NTN1: variants seen among roughly 807,000 people sequenced by gnomAD.
NTN1 encodes the protein netrin 1.
In NTN1, 11 loss-of-function variants were observed where a neutral mutation model predicts 54.2. The ratio of observed to expected loss-of-function variants is 0.20; its 90% CI spans 0.13 to 0.34. The LOEUF (loss-of-function observed/expected upper bound fraction) is 0.34, where lower values mean the gene tolerates loss of function less well. Ranked by LOEUF, NTN1 falls within the 10% of genes least tolerant of loss-of-function variation. The pLI is 1.00. For synonymous variants in NTN1, 371 were observed against 382.0 expected, an observed-to-expected ratio of 0.97 and a Z score of 0.33; for missense variants, 740 against 893.1, an observed-to-expected ratio of 0.83 and a Z score of 2.18.
At chr17:9,197,121 C>G (rs574746417) in intron 5 of NTN1, among the ~76,000 whole-genome samples, 1 of 152,074 alleles carries the variant, frequency 6.6e-6, no homozygotes, top group South Asian at 2.1e-4. Context: ...GAGTGAAATT[C>G]AGGCTCTCAA....
chr17:9,082,582 T>G (rs1597481101), intron 2 of NTN1, among the ~76,000 whole-genome samples: 1 of 151,948 alleles, frequency 6.6e-6, no homozygotes, highest in Admixed American at 6.6e-5. Flanking sequence ...TGAGGCAGAG[T>G]GTGGGGCCGT....
At chr17:9,116,416 C>T (rs950740533) in intron 2 of NTN1, among the ~76,000 whole-genome samples, 10 of 150,634 alleles carry the variant, frequency 6.6e-5, no homozygotes, top group African/African-American at 2.4e-4. Context: ...TTTCTAGAGT[C>T]TCTACTCGCT....
chr17:9,208,068 C>A (rs1254444748), intron 5 of NTN1, among the ~76,000 whole-genome samples: 2 of 152,082 alleles, frequency 1.3e-5, no homozygotes, highest in African/African-American at 4.8e-5. Context: ...CCCATCTCTA[C>A]CAAAAATACA....
intron 2 of NTN1, among the ~76,000 whole-genome samples, chr17:9,078,058 A>G (rs537890868): frequency 1.2e-4 from 15 of 122,164 alleles, no homozygotes; most frequent in African/African-American, 8.9e-5. Context: ...CCATCCATCT[A>G]TCCATCCATC....
intron 2 of NTN1, among the ~76,000 whole-genome samples, chr17:9,105,660 T>TTC (rs72039051): frequency 0.16 from 22,705 of 142,016 alleles, 1,797 homozygotes; most frequent in Middle Eastern, 0.23. Context: ...CTCTCTCTCT[T>TTC]TCTCTCTCTC....
At chr17:9,227,972 G>A (rs1050354939) in intron 6 of NTN1, among the ~76,000 whole-genome samples, 10 of 152,018 alleles carry the variant, frequency 6.6e-5, no homozygotes, top group African/African-American at 2.4e-4. Context: ...TGCACATCCC[G>A]AGAAGTCCTG....
intron 2 of NTN1, among the ~76,000 whole-genome samples, chr17:9,074,005 C>A (rs2092041111): frequency 6.6e-6 from 1 of 152,142 alleles, no homozygotes; most frequent in Admixed American, 6.5e-5. Flanking sequence ...TGCTGGTGTC[C>A]CGGTACCTTG....
chr17:9,043,826 C>T (rs529696435), intron 2 of NTN1, among the ~76,000 whole-genome samples: 9 of 152,052 alleles, frequency 5.9e-5, no homozygotes, highest in South Asian at 2.1e-4. Flanking sequence ...GTGATCCACC[C>T]GCCTCGGCTT....
At chr17:9,147,867 A>G (rs80078385) in intron 2 of NTN1, among the ~76,000 whole-genome samples, 2,313 of 152,308 alleles carry the variant, frequency 0.015, 63 homozygotes, top group African/African-American at 0.052. Context: ...GTTTGATTAA[A>G]ATAACTGGAT....
chr17:9,197,742 T>C lies in NTN1; in HGVS notation c.1411+14773T>C, dbSNP rs1477869871. Among the ~76,000 whole-genome samples, 3 of 145,874 alleles carry C rather than the reference T, an allele frequency of 2.1e-5. No individual in the cohort carries two copies. The East Asian group carries it at 6.3e-4, about 30-fold the overall frequency. Reference sequence around the variant, plus strand: ...TTTAGAGAAGACTGCTTCAAGATTTTCTTCAGGCTGAAGCTGGGCTAGGCA... The same window carrying C: ...TTTAGAGAAGACTGCTTCAAGATTTCCTTCAGGCTGAAGCTGGGCTAGGCA... On this transcript the variant is annotated intron_variant, in intron 5 of 6. Transcript: ENST00000173229.
chr17:9,141,656 C>G (rs73976415), intron 2 of NTN1, among the ~76,000 whole-genome samples: 2,252 of 152,000 alleles, frequency 0.015, 50 homozygotes, highest in East Asian at 0.12. Context: ...AGCATGTTAA[C>G]TAGGATAGGA....
Position 9,051,963 on chromosome 17 carries a change from G to GT in NTN1, c.1018+28584dup, listed in dbSNP as rs781173173. On this transcript the variant is annotated intron_variant, in intron 2 of 6. Transcript: ENST00000173229. ...CCCATGTGACCAAAGACACGTTTGG[G>GT]TTTTTTTTTTTTGTATTTTGTGTTT... Among the ~76,000 whole-genome samples, 931 of 144,584 alleles carry GT rather than the reference G, an allele frequency of 6.4e-3. 6 individuals are homozygous for GT. Among genetic ancestry groups the GT allele is most frequent in the African/African-American group, 0.013 (535 of 39,784 alleles). 94.9% of individuals were successfully genotyped at this position (144,584 alleles called of 152,430 possible).
At chr17:9,071,361 G>A (rs2092031420) in intron 2 of NTN1, among the ~76,000 whole-genome samples, 4 of 152,036 alleles carry the variant, frequency 2.6e-5, no homozygotes, top group Admixed American at 2.6e-4. Context: ...CTCTAAGCCT[G>A]TTTTGATCAC....
intron 2 of NTN1, among the ~76,000 whole-genome samples, chr17:9,096,358 T>C (rs1428403392): frequency 1.5e-5 from 2 of 132,788 alleles, no homozygotes; most frequent in Admixed American, 1.7e-4. Flanking sequence ...CTGGGTTTTA[T>C]GGGTAGACTT....
At chr17:9,192,500 G>T (rs1904488960) in intron 5 of NTN1, among the ~76,000 whole-genome samples, 1 of 152,114 alleles carries the variant, frequency 6.6e-6, no homozygotes, top group Non-Finnish European at 1.5e-5. Flanking sequence ...AGGGGCTATT[G>T]TATGTCTGGA....
At chr17:9,097,656 AACAG>A (rs944317166) in intron 2 of NTN1, among the ~76,000 whole-genome samples, 5 of 152,024 alleles carry the variant, frequency 3.3e-5, no homozygotes, top group Middle Eastern at 3.2e-3. Context: ...AAAAACCCCA[AACAG>A]ACAAACAACA....
intron 3 of NTN1, among the ~76,000 whole-genome samples, chr17:9,167,361 G>A (rs915256836): frequency 2.0e-5 from 3 of 152,200 alleles, no homozygotes; most frequent in East Asian, 1.9e-4. Flanking sequence ...TAACCATTTC[G>A]GCCCTGCCCC....
At position 9,179,594 on chromosome 17, in the gene NTN1, G is replaced by A. The variant is rs1009113174; in HGVS notation, c.1208-213G>A. Among the ~76,000 whole-genome samples the A allele has an allele frequency of 3.5e-4, 54 of 152,124 alleles. 1 individual carries two copies. The highest frequency in any genetic ancestry group is 1.1e-3 in the African/African-American group (46 of 41,422). ...GCTGCCAAAGCAGTCTCTTCAGGTC[G>A]GTCCATTTTGGTTTTTATTCTCCGT... On this transcript the variant is annotated intron_variant, in intron 3 of 6. Coordinates refer to ENST00000173229, the MANE Select transcript of NTN1 (RefSeq NM_004822.3).
upstream of NTN1, among the ~76,000 whole-genome samples, chr17:9,017,798 A>G (rs2091834986): frequency 6.6e-6 from 1 of 152,106 alleles, no homozygotes; most frequent in Admixed American, 6.6e-5. Flanking sequence ...ACTTCTCACG[A>G]CACTTGGACA....
Sources: allele counts gnomAD v4.1 joint callset (sites outside exome capture counted in the v4.1 genomes callset), GRCh38; gene constraint gnomAD v4.1.1; transcripts MANE v1.5; gene names NCBI Gene and HGNC (gene_info 2026-07-23, HGNC 2026-07-21).